The following ZNF709 variants were observed in gnomAD, a reference collection of about 807,000 sequenced individuals.
ZNF709 encodes the protein zinc finger protein 709.
A neutral mutation model predicts 10.6 loss-of-function variants in ZNF709; 15 were observed. That is an observed-to-expected ratio of 1.41 (90% CI 0.95 to 2.18). The LOEUF is 2.18. Among genes scored for constraint, ZNF709 ranks in the 30% most tolerant of loss-of-function variants. ZNF709 has a pLI of 0.00. For synonymous variants in ZNF709, 194 were observed against 238.8 expected (o/e 0.81, Z 1.73); for missense variants, 589 against 774.0 (o/e 0.76, Z 2.84).
chr19:12,469,872 G>A (rs1970620576), intron 1 of ZNF709, among the ~76,000 whole-genome samples: 1 of 152,096 alleles, frequency 6.6e-6, no homozygotes, highest in African/African-American at 2.4e-5. Flanking sequence ...TGCCAGAACA[G>A]CTCTTTCCCT....
chr19:12,475,545 G>T (rs1400197215), intron 1 of ZNF709, among the ~76,000 whole-genome samples: 1 of 152,116 alleles, frequency 6.6e-6, no homozygotes, highest in Non-Finnish European at 1.5e-5. Context: ...AGAAACTGGA[G>T]ATAGACTTTC....
At chr19:12,465,821 G>A in intron 3 of ZNF709, 88 bp from the exon 4 acceptor site, 1 of 1,081,950 alleles carries the variant, frequency 9.2e-7, no homozygotes, top group Non-Finnish European at 1.2e-6. Context: ...ACAATCATTA[G>A]TAGGTAGTAG....
intron 1 of ZNF709, among the ~76,000 whole-genome samples, chr19:12,469,996 T>C (rs973937713): frequency 2.6e-5 from 4 of 152,202 alleles, no homozygotes; most frequent in African/African-American, 9.7e-5. Flanking sequence ...AATTTGCCCA[T>C]GATTACAAAA....
intron 1 of ZNF709, among the ~76,000 whole-genome samples, chr19:12,476,205 A>G (rs1970676885): frequency 6.6e-6 from 1 of 152,128 alleles, no homozygotes; most frequent in Non-Finnish European, 1.5e-5. Flanking sequence ...CAGCCTGGGC[A>G]ACTAAGTAGG....
intron 1 of ZNF709, among the ~76,000 whole-genome samples, chr19:12,471,021 G>C (rs1289947910): frequency 6.6e-6 from 1 of 151,858 alleles, no homozygotes; most frequent in Non-Finnish European, 1.5e-5. Flanking sequence ...TTAGAGTCTG[G>C]ACTTTTTCAC....
At chr19:12,482,442 G>A (rs1053574837) in intron 1 of ZNF709, among the ~76,000 whole-genome samples, 2 of 152,100 alleles carry the variant, frequency 1.3e-5, no homozygotes, top group African/African-American at 4.8e-5. Context: ...TGGTGACAGG[G>A]AAATCGCCCC....
chr19:12,472,882 CA>C (rs752047494), intron 1 of ZNF709, among the ~76,000 whole-genome samples: 61 of 134,052 alleles, frequency 4.6e-4, no homozygotes, highest in African/African-American at 4.1e-4. Flanking sequence ...GACTCTGTCT[CA>C]AAAAAAAAAA....
chr19:12,467,422 C>T (rs926902874), intron 1 of ZNF709, among the ~76,000 whole-genome samples: 1 of 152,240 alleles, frequency 6.6e-6, no homozygotes, highest in Non-Finnish European at 1.5e-5. Flanking sequence ...TGATTGCAGA[C>T]GGAGTCTCGT....
intron 1 of ZNF709, among the ~76,000 whole-genome samples, chr19:12,467,923 G>T (rs1379243571): frequency 4.0e-5 from 6 of 151,886 alleles, no homozygotes; most frequent in Non-Finnish European, 8.8e-5. Context: ...ACCCCATCCG[G>T]GAGGGAGGTG....
chr19:12,481,656 C>T (rs1405025030), intron 1 of ZNF709, among the ~76,000 whole-genome samples: 1 of 151,672 alleles, frequency 6.6e-6, no homozygotes, highest in Non-Finnish European at 1.5e-5. Context: ...AAAGTGTTAA[C>T]AGAAACTAGA....
rs760686703 is a variant in ZNF709, at chr19:12,465,535, T to A, written c.387A>T (p.Ser129=). ...RHMRSHTEHR[S]YEYHKYGEKS... ...TCTCTCCATATTTGTGATATTCATATGATCTATGTTCAGTATGAGATCTCA... is the reference window on the plus strand; with the variant it reads ...TCTCTCCATATTTGTGATATTCATAAGATCTATGTTCAGTATGAGATCTCA... Residue 129 remains serine (S), a synonymous_variant, in exon 4 of 4, where the codon TCA becomes TCT. Coordinates refer to ENST00000397732, the MANE Select transcript of ZNF709 (RefSeq NM_152601.4). 1.2e-6 allele frequency: 2 copies of A among 1,612,614 alleles called. No homozygotes were observed. The highest frequency in any genetic ancestry group is 1.1e-5 in the South Asian group (1 of 90,618).
In ZNF709 at chr19:12,465,029, T is replaced by C; in HGVS notation, c.893A>G (p.His298Arg). 1 of 1,612,072 alleles carries C rather than the reference T, an allele frequency of 6.2e-7. No individual in the cohort carries two copies. The highest frequency in any genetic ancestry group is 8.5e-7 in the Non-Finnish European group (1 of 1,179,408). The change falls in exon 4 of 4, where the codon CAT becomes CGT. Residue 298 changes from histidine (H) to arginine (R), a missense_variant. His to Arg is a conservative substitution (Grantham distance 29). Transcript: ENST00000397732. Reference protein sequence around the residue: ...ALSCPTSFRSHERIHTGEKPY... With the variant: ...ALSCPTSFRSRERIHTGEKPY... ...TTTTTCTCCAGTGTGAATCCTTTCATGACTTCGAAAGGATGTGGGACAACT... is the reference window on the plus strand; with the variant it reads ...TTTTTCTCCAGTGTGAATCCTTTCACGACTTCGAAAGGATGTGGGACAACT...
rs753529941 is a variant in ZNF709, at chr19:12,465,397, C to T, written c.525G>A (p.Lys175=). The part of the protein sequence containing the change: ...EKPYKCKQCG[K]AFSWPSSFQI... Reference sequence around the variant, plus strand: ...GAAAGGAACTGGGCCAACTGAAAGCCTTACCACACTGTTTACATTTATAGG... The same window carrying T: ...GAAAGGAACTGGGCCAACTGAAAGCTTTACCACACTGTTTACATTTATAGG... Residue 175 remains lysine (K), a synonymous_variant, in exon 4 of 4, where the codon AAG becomes AAA. Coordinates refer to ENST00000397732, the MANE Select transcript of ZNF709 (RefSeq NM_152601.4). The T allele has an allele frequency of 3.7e-6, 6 of 1,609,920 alleles. No homozygotes were observed. Among genetic ancestry groups the T allele is most frequent in the African/African-American group, 1.3e-5 (1 of 74,406 alleles).
At chr19:12,483,790 G>A (rs1970752331) in intron 1 of ZNF709, among the ~76,000 whole-genome samples, 1 of 152,044 alleles carries the variant, frequency 6.6e-6, no homozygotes, top group Non-Finnish European at 1.5e-5. Context: ...CATTTTTTGA[G>A]AATCAATTAA....
At chr19:12,484,516 C>T in intron 1 of ZNF709, 139 bp downstream of exon 1, 2 of 1,187,032 alleles carry the variant, frequency 1.7e-6, no homozygotes, top group Non-Finnish European at 2.4e-6. Flanking sequence ...AGACCGAGGG[C>T]CGAGCTGCGC....
chr19:12,476,686 A>T (rs1024105981), intron 1 of ZNF709, among the ~76,000 whole-genome samples: 1 of 152,236 alleles, frequency 6.6e-6, no homozygotes, highest in Non-Finnish European at 1.5e-5. Flanking sequence ...TTGCCTCCAG[A>T]ACATCAAAAG....
intron 3 of ZNF709, 26 bp from the exon 4 acceptor site, chr19:12,465,759 G>T: frequency 6.9e-7 from 1 of 1,441,576 alleles, no homozygotes; most frequent in South Asian, 1.6e-5. Context: ...AAAACAAAAC[G>T]CACAATTAGT....
At position 12,465,326 on chromosome 19, in the gene ZNF709, T is replaced by G. The variant is rs773414903; in HGVS notation, c.596A>C (p.Lys199Thr). 1 of 1,612,694 alleles carries G rather than the reference T, an allele frequency of 6.2e-7. No homozygotes were observed. The highest frequency in any genetic ancestry group is 8.5e-7 in the Non-Finnish European group (1 of 1,179,560). The change falls in exon 4 of 4, where the codon AAG (lysine) becomes ACG (threonine). Residue 199 changes from lysine (K) to threonine (T), a missense_variant. Physicochemically the swap from Lys to Thr is moderately conservative, Grantham distance 78 (BLOSUM62 -1). This residue lies in a region of ZNF709 where 418 missense variants were observed against 496.3 expected (regional missense o/e 0.84). Coordinates refer to ENST00000397732, the MANE Select transcript of ZNF709 (RefSeq NM_152601.4). ...ATAAATGAAGGCCTTCCCACATTCC[T>G]TACATTCATAAGGTTTCTCTCCAGT... Reference protein sequence around the residue: ...THTGEKPYECKECGKAFIYHT... With the variant: ...THTGEKPYECTECGKAFIYHT...
chr19:12,464,080 T>C lies in ZNF709; in HGVS notation c.1842A>G (p.Lys614=), dbSNP rs200651360. 3 of 1,557,984 alleles carry C rather than the reference T, an allele frequency of 1.9e-6. No homozygotes were observed. Among genetic ancestry groups the C allele is most frequent in the East Asian group, 4.5e-5 (2 of 44,730 alleles). The change falls in exon 4 of 4, where the codon AAA becomes AAG. Residue 614 remains lysine, a synonymous_variant. Transcript: ENST00000397732. ...TACCACATTGTTGACATGCATAGGG[T>C]TTCTCTCCAGTGTGAGTTCGTTCAT... is the stretch of plus-strand genomic sequence containing the variant. ...RIHERTHTGE[K]PYACQQCGKA... is the part of the protein sequence containing the mutation.
Sources: gnomAD v4.1 joint callset for allele counts (sites outside exome capture counted in the v4.1 genomes callset) on GRCh38, gnomAD v4.1.1 for gene constraint, gnomAD v4.1.1 regional missense constraint, MANE v1.5 for transcripts, NCBI Gene and HGNC (gene_info 2026-07-23, HGNC 2026-07-21) for gene names.